POLQ: variants seen among roughly 807,000 people sequenced by gnomAD.
POLQ encodes the protein DNA polymerase theta.
Under a neutral mutation model 259.2 loss-of-function variants are expected in POLQ, and 233 were observed. The ratio of observed to expected loss-of-function variants is 0.90; its 90% confidence interval spans 0.81 to 1.00. The LOEUF is 1.00. POLQ is among the 50% of genes least tolerant of loss of function. The probability of loss-of-function intolerance (pLI) is 0.00; values close to 1 mark genes in which losing one functional copy is unlikely to be tolerated. For missense variants in POLQ, 2,871 were observed against 3,051.6 expected, an observed-to-expected ratio of 0.94 and a Z score of 1.39; for synonymous variants, 1,025 against 1,048.8, an observed-to-expected ratio of 0.98 and a Z score of 0.44.
Position 121,487,791 on chromosome 3 carries a change from G to C in POLQ, c.5140C>G (p.His1714Asp). ...GGTAAGAGGGATGAGGTTTCATCAT[G>C]ATTGGCATTGTTTTCTAGCATCTCA... ...KIEMLENNAN[H>D]DETSSLLPRK... The change falls in exon 16 of 30, where the codon CAT (histidine) becomes GAT (aspartate). Residue 1714 changes from histidine (H) to aspartate (D), a missense_variant. Physicochemically the swap from His to Asp is moderately conservative, Grantham distance 81 (BLOSUM62 -1). Transcript: ENST00000264233. 1 of 1,610,170 alleles carries C rather than the reference G, an allele frequency of 6.2e-7. No individual in the cohort carries two copies. Among genetic ancestry groups the C allele is most frequent in the Non-Finnish European group, 8.5e-7 (1 of 1,178,388 alleles).
At chr3:121,483,077 C>T (rs2047983158) in intron 18 of POLQ, among the ~76,000 whole-genome samples, 1 of 152,164 alleles carries the variant, frequency 6.6e-6, no homozygotes, top group African/African-American at 2.4e-5. Flanking sequence ...AATCTGTTCT[C>T]ATTTCACTTC....
rs145434194 is a variant in POLQ at position 121,442,183 on chromosome 3, G to C, written c.7265-2067C>G. On this transcript the variant is annotated intron_variant, in intron 26 of 29. Transcript: ENST00000264233. ...TTTAATTTTTGTGGGTATATAGTAG[G>C]TGTACATATTTATGGGGTACATGAG... 3.0e-4 allele frequency among the ~76,000 whole-genome samples: 46 copies of C among 152,176 alleles called. 1 individual carries two copies. The East Asian group carries it at 8.5e-3, about 28-fold the overall frequency.
chr3:121,471,567 C>T (rs1284148619), intron 22 of POLQ, among the ~76,000 whole-genome samples: 1 of 152,008 alleles, frequency 6.6e-6, no homozygotes, highest in Admixed American at 6.6e-5. Flanking sequence ...TGTGACGAAA[C>T]CCCATCTCTA....
At chr3:121,448,446 C>T (rs2047647661) in intron 26 of POLQ, among the ~76,000 whole-genome samples, 1 of 151,852 alleles carries the variant, frequency 6.6e-6, no homozygotes, top group Non-Finnish European at 1.5e-5. Context: ...CGGCTCACTG[C>T]ACCTCCGCCT....
At chr3:121,485,684 A>C (rs1289086449) in intron 16 of POLQ, among the ~76,000 whole-genome samples, 1 of 152,232 alleles carries the variant, frequency 6.6e-6, no homozygotes, top group African/African-American at 2.4e-5. Flanking sequence ...AGTAGCAGGA[A>C]AATAACTGGC....
At chr3:121,498,178 C>A (rs929681379) in intron 13 of POLQ, among the ~76,000 whole-genome samples, 5 of 151,870 alleles carry the variant, frequency 3.3e-5, no homozygotes, top group Non-Finnish European at 5.9e-5. Context: ...GGCATGGTGG[C>A]ACATGCCTGT....
intron 12 of POLQ, among the ~76,000 whole-genome samples, chr3:121,502,937 TA>T (rs145848405): frequency 0.015 from 2,217 of 144,628 alleles, 55 homozygotes; most frequent in African/African-American, 0.051. Flanking sequence ...GAGTAAACAC[TA>T]AAAAAAAAAA....
At chr3:121,474,587 G>A (rs2047911362) in intron 20 of POLQ, among the ~76,000 whole-genome samples, 1 of 152,132 alleles carries the variant, frequency 6.6e-6, no homozygotes, top group Non-Finnish European at 1.5e-5. Context: ...TTTCCCACAA[G>A]TTGAGCCAGG....
chr3:121,445,995 C>T (rs2047629838), intron 26 of POLQ, among the ~76,000 whole-genome samples: 1 of 151,466 alleles, frequency 6.6e-6, no homozygotes, highest in Non-Finnish European at 1.5e-5. Context: ...ATTTGCCTTG[C>T]TCTTACTTTT....
rs372762164 is a variant in POLQ at position 121,481,774 on chromosome 3, C to T, written c.6009G>A (p.Pro2003=). The change falls in exon 19 of 30, where the codon CCG becomes CCA. Residue 2003 remains proline, a synonymous_variant. Transcript: ENST00000264233. ...CWLLDPDSQE[P]TLHSIVTSFL... ...AACTGGTAACTATGCTATGAAGAGT[C>T]GGCTCCTGAGAATCTGGATCTAGTA... 34 of 1,612,938 alleles carry T rather than the reference C, an allele frequency of 2.1e-5. No individual in the cohort carries two copies. The highest frequency in any genetic ancestry group is 2.0e-4 in the South Asian group (18 of 90,988).
At chr3:121,505,846 T>TAA (rs35298276) in intron 12 of POLQ, among the ~76,000 whole-genome samples, 17 of 126,238 alleles carry the variant, frequency 1.3e-4, no homozygotes, top group African/African-American at 3.9e-4. Flanking sequence ...CCATCTCTAC[T>TAA]AAAAAAAAAA....
chr3:121,540,890 T>C (rs2048484502), intron 3 of POLQ, among the ~76,000 whole-genome samples: 1 of 114,260 alleles, frequency 8.8e-6, no homozygotes, highest in East Asian at 3.8e-4. Context: ...TCTGTAAATT[T>C]TTTTAATTTT....
At chr3:121,537,746 A>C (rs73179919) in intron 4 of POLQ, among the ~76,000 whole-genome samples, 5,508 of 152,336 alleles carry the variant, frequency 0.036, 151 homozygotes, top group Middle Eastern at 0.082. Context: ...AGAGAAAAAC[A>C]AATGGGACCT....
At position 121,440,061 on chromosome 3, in the gene POLQ, AACAAATCCGTCTCTTT is replaced by A; in HGVS notation, c.7304_7319del (p.Lys2435IlefsTer33). 6.2e-7 allele frequency: 1 copy of A among 1,611,086 alleles called. No individual in the cohort carries two copies. Among genetic ancestry groups the A allele is most frequent in the Non-Finnish European group, 8.5e-7 (1 of 1,177,308 alleles). ...ATCTACGCCTTCCCAAAATGGTCTG[AACAAATCCGTCTCTTT>A]TACAATTCTTCACTGTCTCTGTCAT... On this transcript the variant is annotated frameshift_variant, in exon 27 of 30. Coordinates refer to ENST00000264233, the MANE Select transcript of POLQ (RefSeq NM_199420.4). LOFTEE classifies it high-confidence loss of function.
At chr3:121,524,593 G>A (rs2048359561) in intron 7 of POLQ, among the ~76,000 whole-genome samples, 1 of 151,796 alleles carries the variant, frequency 6.6e-6, no homozygotes, top group Non-Finnish European at 1.5e-5. Context: ...AATCACACCA[G>A]GCTGAGTGAA....
chr3:121,543,071 GAAGA>G (rs1434476987), intron 2 of POLQ, among the ~76,000 whole-genome samples: 10 of 152,110 alleles, frequency 6.6e-5, no homozygotes, highest in African/African-American at 2.4e-4. Context: ...GCATAATCTA[GAAGA>G]AAGATGATAA....
rs2048529939 is a variant in POLQ at position 121,545,832 on chromosome 3, CT to C, written c.45del (p.Gly16AlafsTer24). ...RRSGKRRRSE[S>X]GSDSFSGSGG... is the part of the protein sequence containing the mutation. The stretch of plus-strand genomic sequence containing the variant: ...CCGCTTCCCGAGAACGAATCTGAGC[CT>C]GATTCTGAACGCCGCCGTTTCCCAC... On this transcript the variant is annotated frameshift_variant, in exon 1 of 30. Coordinates refer to ENST00000264233, the MANE Select transcript of POLQ (RefSeq NM_199420.4). LOFTEE classifies it high-confidence loss of function. 1.9e-6 allele frequency: 3 copies of C among 1,613,888 alleles called. No individual in the cohort carries two copies. The South Asian group carries it at 3.3e-5, about 18-fold the overall frequency.
intron 14 of POLQ, among the ~76,000 whole-genome samples, chr3:121,496,505 C>T (rs1048446283): frequency 2.0e-5 from 3 of 151,972 alleles, no homozygotes; most frequent in Admixed American, 2.0e-4. Context: ...GGGGAGACCA[C>T]AGAGAACTTT....
At chr3:121,535,342 A>G (rs1444225954) in intron 5 of POLQ, among the ~76,000 whole-genome samples, 3 of 152,232 alleles carry the variant, frequency 2.0e-5, no homozygotes, top group Non-Finnish European at 2.9e-5. Context: ...ATTTCTCAAT[A>G]GCAATGAGAA....
Sources: gnomAD v4.1 joint callset for allele counts (sites outside exome capture counted in the v4.1 genomes callset) on GRCh38, gnomAD v4.1.1 for gene constraint, MANE v1.5 for transcripts, NCBI Gene and HGNC (gene_info 2026-07-23, HGNC 2026-07-21) for gene names.